The following PTPN5 variants were observed in gnomAD, a reference collection of about 807,000 sequenced individuals.
PTPN5 encodes the protein protein tyrosine phosphatase non-receptor type 5, also known as tyrosine-protein phosphatase non-receptor type 5.
Under a neutral mutation model 73.9 loss-of-function variants are expected in PTPN5, and 29 were observed. That is an observed-to-expected ratio of 0.39 (90% CI 0.29 to 0.54). The LOEUF (loss-of-function observed/expected upper bound fraction) is 0.54, where lower values mean the gene tolerates loss of function less well. PTPN5 is among the 20% of genes least tolerant of loss of function. The pLI, the probability that PTPN5 is intolerant of heterozygous loss-of-function variation, is 0.65. For missense variants in PTPN5, 652 were observed against 751.4 expected (o/e 0.87, Z 1.55); for synonymous variants, 267 against 304.7 (o/e 0.88, Z 1.29).
chr11:18,777,794 T>C (rs936549978), intron 1 of PTPN5, among the ~76,000 whole-genome samples: 2 of 151,840 alleles, frequency 1.3e-5, no homozygotes, highest in Non-Finnish European at 2.9e-5. Context: ...AAAAATAATA[T>C]GTGAGCGGAG....
Position 18,729,151 on chromosome 11 carries a change from A to C in PTPN5, c.1605-124T>G. On this transcript the variant is annotated intron_variant, in intron 14 of 14. Coordinates refer to ENST00000358540, the MANE Select transcript of PTPN5 (RefSeq NM_006906.2). This position sits in a 1 kb window ranked among gnomAD's most constrained non-coding sequence, Gnocchi z 5.2. Reference sequence around the variant, plus strand: ...GCCCCTGTGCGTCTTGGAGAGACCAACCCTTGCCAACCATTACCCTCTGCC... The same window carrying C: ...GCCCCTGTGCGTCTTGGAGAGACCACCCCTTGCCAACCATTACCCTCTGCC... The C allele has an allele frequency of 1.2e-6, 1 of 868,166 alleles. No homozygotes were observed. Among genetic ancestry groups the C allele is most frequent in the South Asian group, 1.6e-5 (1 of 64,300 alleles). The allele number at this position is 868,166 out of a possible 1,614,324, so 53.8% of individuals were successfully genotyped here.
At chr11:18,784,143 T>C (rs911605867) in intron 1 of PTPN5, among the ~76,000 whole-genome samples, 2 of 152,144 alleles carry the variant, frequency 1.3e-5, no homozygotes, top group African/African-American at 2.4e-5. Flanking sequence ...AGAATGATCA[T>C]ACGATCCAGC....
At chr11:18,785,644 C>G (rs1449997731) in intron 1 of PTPN5, among the ~76,000 whole-genome samples, 1 of 152,146 alleles carries the variant, frequency 6.6e-6, no homozygotes, top group African/African-American at 2.4e-5. Context: ...TCCAGATGCC[C>G]ATATGCTGCC....
intron 3 of PTPN5, among the ~76,000 whole-genome samples, chr11:18,761,725 G>A (rs756317530): frequency 6.6e-6 from 1 of 152,126 alleles, no homozygotes; most frequent in Non-Finnish European, 1.5e-5. Context: ...GAGTGTGCGT[G>A]AAGAAGGGGT....
At chr11:18,757,888 A>G (rs1850226448) in intron 3 of PTPN5, among the ~76,000 whole-genome samples, 1 of 152,256 alleles carries the variant, frequency 6.6e-6, no homozygotes, top group African/African-American at 2.4e-5. Flanking sequence ...CTATCTAGAC[A>G]TAACATATAC....
At chr11:18,792,507 TC>T (rs1346866619), upstream of PTPN5, 1 of 152,552 alleles carries the variant, frequency 6.6e-6, no homozygotes, top group African/African-American at 2.4e-5. Context: ...GTTTTGGTTT[TC>T]TCGTGGGCAC....
At chr11:18,753,960 C>T (rs1850010898) in intron 3 of PTPN5, among the ~76,000 whole-genome samples, 1 of 152,164 alleles carries the variant, frequency 6.6e-6, no homozygotes, top group Admixed American at 6.5e-5. Flanking sequence ...CAAAAAACAT[C>T]ACCCATTCTG....
chr11:18,737,920 A>C lies in PTPN5; in HGVS notation c.960T>G (p.Pro320=). The change falls in exon 9 of 15, where the codon CCT becomes CCG. Residue 320 remains proline, a synonymous_variant. Coordinates refer to ENST00000358540, the MANE Select transcript of PTPN5 (RefSeq NM_006906.2). ...NFVDPKEYDI[P]GLVRKNRYKT... ...TGTACCGGTTCTTCCGCACCAGCCC[A>C]GGGATGTCGTACTCTTTCGGATCCA... is the stretch of plus-strand genomic sequence containing the variant. 2 of 1,614,172 alleles carry C rather than the reference A, an allele frequency of 1.2e-6. No homozygotes were observed. Among genetic ancestry groups the C allele is most frequent in the Middle Eastern group, 1.6e-4 (1 of 6,062 alleles).
chr11:18,746,162 A>AATATATATATATATATATATAT (rs773490900), intron 3 of PTPN5, among the ~76,000 whole-genome samples: 25 of 67,612 alleles, frequency 3.7e-4, no homozygotes, highest in African/African-American at 4.4e-4. Context: ...TATAAATATA[A>AATATATATATATATATATATAT]ATATATATAT....
At position 18,729,499 on chromosome 11, in the gene PTPN5, C is replaced by T. The variant is rs547503749; in HGVS notation, c.1558G>A (p.Gly520Ser). The T allele has an allele frequency of 7.1e-5, 114 of 1,601,852 alleles. No individual in the cohort carries two copies. In the South Asian group the frequency reaches 1.2e-3, roughly 17 times the overall value. Residue 520 changes from glycine to serine, a missense_variant, in exon 14 of 15, where the codon GGT becomes AGT. Coordinates refer to ENST00000358540, the MANE Select transcript of PTPN5 (RefSeq NM_006906.2). The surrounding 1 kb of genome is among the most constrained non-coding windows in gnomAD (Gnocchi z 5.2). ...SICCQQLRQE[G>S]VVDILKTTCQ... ...GTGGTCTTCAGGATGTCCACCACACCCTCCTGCCGCAGCTGCTGGCAGCAG... is the reference window on the plus strand; with the variant it reads ...GTGGTCTTCAGGATGTCCACCACACTCTCCTGCCGCAGCTGCTGGCAGCAG...
At chr11:18,746,111 C>T (rs1387439296) in intron 3 of PTPN5, among the ~76,000 whole-genome samples, 11 of 135,742 alleles carry the variant, frequency 8.1e-5, no homozygotes, top group Non-Finnish European at 1.6e-5. Context: ...GTTTTTTTTG[C>T]CTGATAAATG....
At chr11:18,791,115 C>T (rs1238839137) in intron 1 of PTPN5, among the ~76,000 whole-genome samples, 1 of 152,204 alleles carries the variant, frequency 6.6e-6, no homozygotes, top group Non-Finnish European at 1.5e-5. Context: ...AGGCTGGGAG[C>T]CGCGCTTTAG....
At position 18,729,144 on chromosome 11, in the gene PTPN5, G is replaced by A. The variant is rs1043374541; in HGVS notation, c.1605-117C>T. On this transcript the variant is annotated intron_variant, in intron 14 of 14. Transcript: ENST00000358540. The surrounding 1 kb of genome is among the most constrained non-coding windows in gnomAD (Gnocchi z 5.2). ...AGGCCTTGCCCCTGTGCGTCTTGGA[G>A]AGACCAACCCTTGCCAACCATTACC... 9.9e-7 allele frequency: 1 copy of A among 1,011,814 alleles called. No individual in the cohort carries two copies. The highest frequency in any genetic ancestry group is 1.5e-6 in the Non-Finnish European group (1 of 674,452). The allele number at this position is 1,011,814 out of a possible 1,614,324, so 62.7% of individuals were successfully genotyped here. A position where few individuals can be genotyped will look rare whatever the true frequency, so the allele number is the denominator to read the frequency against.
rs575414598 is a variant in PTPN5, at chr11:18,749,393, A to C, written c.98-5194T>G. On this transcript the variant is annotated intron_variant, in intron 3 of 14. Coordinates refer to ENST00000358540, the MANE Select transcript of PTPN5 (RefSeq NM_006906.2). ...CTGAGATTCAAACCCAGGGCTTTCC[A>C]GCATCAAGTGATGTTTCCATTTTGC... is the stretch of plus-strand genomic sequence containing the variant. 1.1e-3 allele frequency: 552 copies of C among 517,196 alleles called. 6 individuals carry two copies. Among genetic ancestry groups the C allele is most frequent in the South Asian group, 5.8e-3 (414 of 71,484 alleles). The allele number at this position is 517,196 out of a possible 1,614,324, so 32.0% of individuals were successfully genotyped here.
intron 7 of PTPN5, 80 bp from the exon 8 acceptor site, chr11:18,740,872 T>G: frequency 1.1e-6 from 1 of 926,128 alleles, no homozygotes; most frequent in South Asian, 2.6e-5. Flanking sequence ...GCTGGGAAAA[T>G]GAGGGAGGGA....
At chr11:18,757,011 T>C (rs1403356867) in intron 3 of PTPN5, among the ~76,000 whole-genome samples, 2 of 151,980 alleles carry the variant, frequency 1.3e-5, no homozygotes, top group African/African-American at 2.4e-5. Flanking sequence ...CCACACATCA[T>C]TTTCATATGT....
In PTPN5 at chr11:18,742,162, T is replaced by G. The variant is rs1405498735; in HGVS notation, c.725+100A>C. On this transcript the variant is annotated intron_variant, in intron 7 of 14. Transcript: ENST00000358540. This position sits in a 1 kb window ranked among gnomAD's most constrained non-coding sequence, Gnocchi z 4.1. ...ACTGGCTAAGCTATAAGGCCAGCTCTGCCCTGGGCACCAGGAGTCAGAGTC... is the reference window on the plus strand; with the variant it reads ...ACTGGCTAAGCTATAAGGCCAGCTCGGCCCTGGGCACCAGGAGTCAGAGTC... 2 of 1,522,468 alleles carry G rather than the reference T, an allele frequency of 1.3e-6. No individual in the cohort carries two copies. Among genetic ancestry groups the G allele is most frequent in the Admixed American group, 1.7e-5 (1 of 57,500 alleles). The allele number at this position is 1,522,468 out of a possible 1,614,324, so 94.3% of individuals were successfully genotyped here.
intron 2 of PTPN5, among the ~76,000 whole-genome samples, chr11:18,771,017 A>T (rs757722218): frequency 1.2e-4 from 18 of 152,168 alleles, no homozygotes; most frequent in Non-Finnish European, 2.2e-4. Flanking sequence ...GGACTTATGC[A>T]GAGAAAGAGC....
intron 1 of PTPN5, among the ~76,000 whole-genome samples, chr11:18,772,475 G>C (rs181732083): frequency 6.6e-6 from 1 of 152,158 alleles, no homozygotes; most frequent in Non-Finnish European, 1.5e-5. Context: ...CTGTCCTCAC[G>C]TCTGAGCAGA....
Sources: allele counts gnomAD v4.1 joint callset (sites outside exome capture counted in the v4.1 genomes callset), GRCh38; gene constraint gnomAD v4.1.1; non-coding constraint Gnocchi (gnomAD v3.1); transcripts MANE v1.5; gene names NCBI Gene and HGNC (gene_info 2026-07-23, HGNC 2026-07-21).